The following CELSR1 variants were observed in gnomAD, a reference collection of about 807,000 sequenced individuals.
The protein encoded by CELSR1 is adhesion G protein-coupled receptor C1.
Under a neutral mutation model 249.1 loss-of-function variants are expected in CELSR1, and 110 were observed. The observed-to-expected ratio is 0.44, with a 90% CI of 0.38 to 0.52. The LOEUF is 0.52. Ranked by LOEUF, CELSR1 falls within the 20% of genes least tolerant of loss-of-function variation. CELSR1 has a pLI of 0.00. For synonymous variants in CELSR1, 2,113 were observed against 1,900.0 expected (o/e 1.11, Z -2.92); for missense variants, 4,109 against 4,296.4 (o/e 0.96, Z 1.22).
At chr22:46,519,932 C>T (rs1055308619) in intron 1 of CELSR1, among the ~76,000 whole-genome samples, 14 of 149,108 alleles carry the variant, frequency 9.4e-5, no homozygotes, top group Admixed American at 2.0e-4. Context: ...AGTGCAGTGG[C>T]GCAACCTCAG....
intron 24 of CELSR1, among the ~76,000 whole-genome samples, chr22:46,375,344 T>C (rs1320878758): frequency 1.3e-5 from 2 of 152,030 alleles, no homozygotes; most frequent in Non-Finnish European, 2.9e-5. Context: ...CTTCAACTAC[T>C]CATTCTCCCT....
At chr22:46,498,691 C>A (rs1047241609) in intron 1 of CELSR1, among the ~76,000 whole-genome samples, 1 of 151,724 alleles carries the variant, frequency 6.6e-6, no homozygotes, top group Non-Finnish European at 1.5e-5. Context: ...AGGTGACAGA[C>A]GCTTCCTCTC....
rs62233281 is a variant in CELSR1 at position 46,490,797 on chromosome 22, C to G, written c.3545-26452G>C. ...TGCCGCTCTTGTGAACAACCACCCACCATCGAGCACCCAGCTGGCCTGGGG... is the reference window on the plus strand; with the variant it reads ...TGCCGCTCTTGTGAACAACCACCCAGCATCGAGCACCCAGCTGGCCTGGGG... On this transcript the variant is annotated intron_variant, in intron 1 of 34. Coordinates refer to ENST00000674500, the MANE Select transcript of CELSR1 (RefSeq NM_001378328.1). This position sits in a 1 kb window ranked among gnomAD's most constrained non-coding sequence, Gnocchi z 5.2. Among the ~76,000 whole-genome samples the G allele has an allele frequency of 0.12, 18,087 of 152,188 alleles. 1,306 individuals carry two copies. The highest frequency in any genetic ancestry group is 0.17 in the East Asian group (894 of 5,168).
At chr22:46,495,049 G>C (rs1001433343) in intron 1 of CELSR1, among the ~76,000 whole-genome samples, 1 of 152,206 alleles carries the variant, frequency 6.6e-6, no homozygotes, top group African/African-American at 2.4e-5. Flanking sequence ...AGTGTCCTTA[G>C]ACAAACCTAG....
Position 46,535,113 on chromosome 22 carries a change from C to A in CELSR1, c.2058G>T (p.Val686=). ...TVLDVNDNDP[V]FTQPTYELRL... is the part of the protein sequence containing the mutation. ...GAAGCTCGTAGGTGGGCTGCGTGAA[C>A]ACCGGGTCGTTGTCATTCACGTCCA... The change falls in exon 1 of 35, where the codon GTG becomes GTT. Residue 686 remains valine (V), a synonymous_variant. Coordinates refer to ENST00000674500, the MANE Select transcript of CELSR1 (RefSeq NM_001378328.1). 1 of 1,611,734 alleles carries A rather than the reference C, an allele frequency of 6.2e-7. No individual in the cohort carries two copies. Among genetic ancestry groups the A allele is most frequent in the Non-Finnish European group, 8.5e-7 (1 of 1,179,850 alleles).
rs1206110474 is a variant in CELSR1 at position 46,434,612 on chromosome 22, AC to A, written c.4523-1132del. ...CACCATCACACACATGTCATTCAAC[AC>A]GGGCCAGGGTTCTAGAGACGGAAGC... is the stretch of plus-strand genomic sequence containing the variant. On this transcript the variant is annotated intron_variant, in intron 4 of 34. Transcript: ENST00000674500. The surrounding 1 kb of genome is among the most constrained non-coding windows in gnomAD (Gnocchi z 4.9). Among the ~76,000 whole-genome samples the A allele has an allele frequency of 1.3e-5, 2 of 152,216 alleles. No individual in the cohort carries two copies. The highest frequency in any genetic ancestry group is 4.8e-5 in the African/African-American group (2 of 41,454).
Position 46,445,723 on chromosome 22 carries a change from A to G in CELSR1, c.4184-6312T>C, listed in dbSNP as rs951299014. Among the ~76,000 whole-genome samples, 2 of 152,166 alleles carry G rather than the reference A, an allele frequency of 1.3e-5. No homozygotes were observed. Among genetic ancestry groups the G allele is most frequent in the African/African-American group, 4.8e-5 (2 of 41,448 alleles). ...CAATCGCGTACATTCTAGCCTCTGC[A>G]AACCCGGTGCCCCGAGAGCAGCAGC... On this transcript the variant is annotated intron_variant, in intron 2 of 34. Coordinates refer to ENST00000674500, the MANE Select transcript of CELSR1 (RefSeq NM_001378328.1). The surrounding 1 kb of genome is among the most constrained non-coding windows in gnomAD (Gnocchi z 4.4).
chr22:46,368,246 C>A (rs749632218), intron 27 of CELSR1, among the ~76,000 whole-genome samples: 2 of 152,160 alleles, frequency 1.3e-5, no homozygotes, highest in Non-Finnish European at 2.9e-5. Flanking sequence ...AATCAGCTTC[C>A]TGAGCTCTGC....
chr22:46,515,614 T>A lies in CELSR1; in HGVS notation c.3544+18013A>T, dbSNP rs143272117. ...ACACAGCCAATAGGACGGGCCTCAG[T>A]CACACAGTGCTCAGGGCTGGGGACT... On this transcript the variant is annotated intron_variant, in intron 1 of 34. Coordinates refer to ENST00000674500, the MANE Select transcript of CELSR1 (RefSeq NM_001378328.1). 2.5e-3 allele frequency among the ~76,000 whole-genome samples: 381 copies of A among 152,216 alleles called. 3 individuals are homozygous for A. The highest frequency in any genetic ancestry group is 8.9e-3 in the African/African-American group (371 of 41,536).
At position 46,533,805 on chromosome 22, in the gene CELSR1, G is replaced by A. The variant is rs111652796; in HGVS notation, c.3366C>T (p.Gly1122=). The A allele has an allele frequency of 5.6e-4, 897 of 1,613,800 alleles. 14 individuals carry two copies. In the South Asian group the frequency reaches 9.0e-3, roughly 16 times the overall value. ...VTNKSNSFPT[G]VIGCIPAHDP... ...CATGGGCCGGGATGCAGCCGATCAC[G>A]CCGGTGGGGAAACTGTTGGACTTGT... The change falls in exon 1 of 35, where the codon GGC becomes GGT. Residue 1122 remains glycine (G), a synonymous_variant. Coordinates refer to ENST00000674500, the MANE Select transcript of CELSR1 (RefSeq NM_001378328.1).
rs144074803 is a variant in CELSR1 at position 46,533,744 on chromosome 22, C to A, written c.3427G>T (p.Val1143Leu). Residue 1143 changes from valine (V) to leucine (L), a missense_variant, in exon 1 of 35, where the codon GTG (valine) becomes TTG (leucine). By Grantham distance (32) the Val-to-Leu change is conservative. Coordinates refer to ENST00000674500, the MANE Select transcript of CELSR1 (RefSeq NM_001378328.1). ...AACAGGCGCAGCTCGTTGCCCTGCA[C>A]GAAGGTGTAGTTGAGGCTGTCTGAC... ...DVSDSLNYTF[V>L]QGNELRLLLL... The A allele has an allele frequency of 5.6e-6, 9 of 1,613,244 alleles. No homozygotes were observed. The highest frequency in any genetic ancestry group is 7.6e-6 in the Non-Finnish European group (9 of 1,180,034).
rs1311928288 is a variant in CELSR1 at position 46,391,990 on chromosome 22, T to A, written c.5965-174A>T. 2.0e-5 allele frequency among the ~76,000 whole-genome samples: 3 copies of A among 152,054 alleles called. No individual in the cohort carries two copies. Among genetic ancestry groups the A allele is most frequent in the Admixed American group, 6.5e-5 (1 of 15,274 alleles). On this transcript the variant is annotated intron_variant, in intron 14 of 34. Transcript: ENST00000674500. This position sits in a 1 kb window ranked among gnomAD's most constrained non-coding sequence, Gnocchi z 4.3. ...CATCCCACACCCAACGGGGGCTGCCTCCCAAGGCCCCACAAGGCCGGACCC... is the reference window on the plus strand; with the variant it reads ...CATCCCACACCCAACGGGGGCTGCCACCCAAGGCCCCACAAGGCCGGACCC...
chr22:46,390,437 C>T lies in CELSR1; in HGVS notation c.6300G>A (p.Glu2100=), dbSNP rs1270780649. 3 of 1,614,006 alleles carry T rather than the reference C, an allele frequency of 1.9e-6. No homozygotes were observed. The highest frequency in any genetic ancestry group is 2.2e-5 in the South Asian group (2 of 91,034). ...AGGAGATGGTGGTACAGTTAAAGAG[C>T]TCTGGGGGCAGCCAGCCCTTCTCCC... The part of the protein sequence containing the change: ...CSGEKGWLPP[E]LFNCTTISFV... The change falls in exon 17 of 35, where the codon GAG becomes GAA. Residue 2100 remains glutamate, a synonymous_variant. Transcript: ENST00000674500. This position sits in a 1 kb window ranked among gnomAD's most constrained non-coding sequence, Gnocchi z 6.3.
chr22:46,474,452 G>A (rs5768799), intron 1 of CELSR1, among the ~76,000 whole-genome samples: 2 of 152,072 alleles, frequency 1.3e-5, no homozygotes, highest in East Asian at 3.9e-4. Flanking sequence ...CCGGCGGCCA[G>A]CACCCACCCC....
In CELSR1 at chr22:46,399,301, G is replaced by A. The variant is rs1449560144; in HGVS notation, c.5412+416C>T. Among the ~76,000 whole-genome samples, 3 of 152,226 alleles carry A rather than the reference G, an allele frequency of 2.0e-5. No homozygotes were observed. The highest frequency in any genetic ancestry group is 6.5e-5 in the Admixed American group (1 of 15,282). On this transcript the variant is annotated intron_variant, in intron 10 of 34. Transcript: ENST00000674500. This position sits in a 1 kb window ranked among gnomAD's most constrained non-coding sequence, Gnocchi z 5.0. ...CCCTGGTGTCTCACAGGCCTGTCCA[G>A]GACCTGGGTCTCACTGCTCTCCCAG...
chr22:46,433,334 C>T lies in CELSR1; in HGVS notation c.4611+59G>A. ...ACAGGCGTGAGCCACTGCGCCTCGCCCCAGGGCACCTTCTCGAGCCGCCCT... is the reference window on the plus strand; with the variant it reads ...ACAGGCGTGAGCCACTGCGCCTCGCTCCAGGGCACCTTCTCGAGCCGCCCT... On this transcript the variant is annotated intron_variant, in intron 5 of 34. Coordinates refer to ENST00000674500, the MANE Select transcript of CELSR1 (RefSeq NM_001378328.1). This position sits in a 1 kb window ranked among gnomAD's most constrained non-coding sequence, Gnocchi z 5.7. 1 of 1,396,450 alleles carries T rather than the reference C, an allele frequency of 7.2e-7. No homozygotes were observed. The allele number at this position is 1,396,450 out of a possible 1,614,324, so 86.5% of individuals were successfully genotyped here. A position where few individuals can be genotyped will look rare whatever the true frequency, so the allele number is the denominator to read the frequency against.
In CELSR1 at chr22:46,381,041, C is replaced by T. The variant is rs2078972898; in HGVS notation, c.7089-86G>A. ...CGCGCACAAATGCCCTGAGGACACGCCATGATGTGTTTCTAGGGGAGACAG... is the reference window on the plus strand; with the variant it reads ...CGCGCACAAATGCCCTGAGGACACGTCATGATGTGTTTCTAGGGGAGACAG... On this transcript the variant is annotated intron_variant, in intron 21 of 34. Transcript: ENST00000674500. This position sits in a 1 kb window ranked among gnomAD's most constrained non-coding sequence, Gnocchi z 6.0. 1.5e-6 allele frequency: 2 copies of T among 1,378,922 alleles called. No individual in the cohort carries two copies. The allele number at this position is 1,378,922 out of a possible 1,614,324, so 85.4% of individuals were successfully genotyped here. A position where few individuals can be genotyped will look rare whatever the true frequency, so the allele number is the denominator to read the frequency against.
rs1250267013 is a variant in CELSR1, at chr22:46,364,713, G to T, written c.8578C>A (p.Pro2860Thr). Reference sequence around the variant, plus strand: ...AGGCTCTGGTCGGGCCAGCCGGCCGGAACGTGGTTGGCCACAGCGTCCCCT... The same window carrying T: ...AGGCTCTGGTCGGGCCAGCCGGCCGTAACGTGGTTGGCCACAGCGTCCCCT... ...PKGDAVANHVPAGWPDQSLAE... is the reference protein window; with the variant it reads ...PKGDAVANHVTAGWPDQSLAE... The change falls in exon 33 of 35, where the codon CCG becomes ACG. Residue 2860 changes from proline to threonine, a missense_variant. Physicochemically the swap from Pro to Thr is conservative, Grantham distance 38. Transcript: ENST00000674500. 6.2e-7 allele frequency: 1 copy of T among 1,612,208 alleles called. No homozygotes were observed. Among genetic ancestry groups the T allele is most frequent in the Non-Finnish European group, 8.5e-7 (1 of 1,179,828 alleles).
At chr22:46,533,365 T>C (rs2080811794) in intron 1 of CELSR1, among the ~76,000 whole-genome samples, 1 of 152,252 alleles carries the variant, frequency 6.6e-6, no homozygotes, top group Non-Finnish European at 1.5e-5. Flanking sequence ...AGGAAGGCGC[T>C]GATCCCCGGT....
Sources: allele counts gnomAD v4.1 joint callset (sites outside exome capture counted in the v4.1 genomes callset), GRCh38; gene constraint gnomAD v4.1.1; non-coding constraint Gnocchi (gnomAD v3.1); transcripts MANE v1.5; gene names NCBI Gene and HGNC (gene_info 2026-07-23, HGNC 2026-07-21).